ANKRD28: variants seen among roughly 807,000 people sequenced by gnomAD.
ANKRD28 encodes the protein ankyrin repeat domain 28, also known as serine/threonine-protein phosphatase 6 regulatory ankyrin repeat subunit A.
In ANKRD28, 44 loss-of-function variants were observed where a neutral mutation model predicts 126.5. That is an observed-to-expected ratio of 0.35 (90% CI 0.27 to 0.45). The LOEUF (loss-of-function observed/expected upper bound fraction) is 0.45. ANKRD28 is among the 20% of genes least tolerant of loss of function. The pLI, the probability that ANKRD28 is intolerant of heterozygous loss-of-function variation, is 1.00. For missense variants in ANKRD28, 1,110 were observed against 1,316.6 expected (o/e 0.84, Z 2.43); for synonymous variants, 442 against 468.5 (o/e 0.94, Z 0.73).
In ANKRD28 at chr3:15,668,621, T is replaced by G. The variant is rs2066102684; in HGVS notation, c.*1649A>C. ...TTATTCATTAAATACAACTCACATC[T>G]GTGTTTTATTATACTCTAAAATATA... On this transcript the variant is annotated 3_prime_UTR_variant, in exon 28 of 28. Coordinates refer to ENST00000683139, the MANE Select transcript of ANKRD28 (RefSeq NM_001349278.2). 1 of 152,588 alleles carries G rather than the reference T, an allele frequency of 6.6e-6. No individual in the cohort carries two copies. Among genetic ancestry groups the G allele is most frequent in the African/African-American group, 2.4e-5 (1 of 41,452 alleles). The allele number at this position is 152,588 out of a possible 1,614,324, so 9.5% of individuals were successfully genotyped here.
chr3:15,802,282 G>A (rs751234245), upstream of ANKRD28, among the ~76,000 whole-genome samples: 7 of 152,172 alleles, frequency 4.6e-5, no homozygotes, highest in Non-Finnish European at 7.4e-5. Context: ...CCATAGTCTA[G>A]GGTAGTGAAA....
chr3:15,814,217 G>C lies in ANKRD28; in HGVS notation c.28-18911C>G. 1 of 1,198,668 alleles carries C rather than the reference G, an allele frequency of 8.3e-7. No homozygotes were observed. The highest frequency in any genetic ancestry group is 1.1e-6 in the Non-Finnish European group (1 of 944,092). 74.3% of individuals were successfully genotyped at this position (1,198,668 alleles called of 1,614,324 possible). ...ACAAGAGCTGCCTATATTACTGCAA[G>C]AGACTACTAGAAAATAACCTACCAT... On this transcript the variant is annotated intron_variant, in intron 1 of 27. Coordinates refer to the ANKRD28 transcript ENST00000399451. The surrounding 1 kb of genome is among the most constrained non-coding windows in gnomAD (Gnocchi z 4.7).
Position 15,670,340 on chromosome 3 carries a change from A to G in ANKRD28, c.3182T>C (p.Ile1061Thr). 2 of 1,613,972 alleles carry G rather than the reference A, an allele frequency of 1.2e-6. No homozygotes were observed. Among genetic ancestry groups the G allele is most frequent in the Non-Finnish European group, 1.7e-6 (2 of 1,179,850 alleles). Residue 1061 changes from isoleucine (I) to threonine (T), a missense_variant, in exon 28 of 28, where the codon ATT (isoleucine) becomes ACT (threonine). Ile to Thr is a moderately conservative substitution (Grantham distance 89). Coordinates refer to ENST00000683139, the MANE Select transcript of ANKRD28 (RefSeq NM_001349278.2). ...GTATAAGTACTCCTGTTCCCCTCCA[A>G]TGTTATTGAAACTGCAATAGGAGCT... ...EPSSYCSFNN[I>T]GGEQEYLYTD... is the part of the protein sequence containing the mutation.
chr3:15,683,815 CTT>C (rs1020637151), intron 21 of ANKRD28: 4 of 152,150 alleles, frequency 2.6e-5, no homozygotes, highest in African/African-American at 9.7e-5. Context: ...AACTTGATAA[CTT>C]TGTCAGAACA....
At chr3:15,724,582 T>C in intron 6 of ANKRD28, 58 bp from the exon 7 acceptor site, 1 of 1,444,946 alleles carries the variant, frequency 6.9e-7, no homozygotes, top group South Asian at 1.3e-5. Flanking sequence ...CTATTAAATA[T>C]AATCCCAAAT....
chr3:15,711,650 G>T (rs1373321786), intron 11 of ANKRD28, among the ~76,000 whole-genome samples: 1 of 151,942 alleles, frequency 6.6e-6, no homozygotes. Flanking sequence ...GAGATTAACT[G>T]CTAATGGTCT....
At chr3:15,711,403 AG>A (rs1428239455) in intron 11 of ANKRD28, 129 bp from the exon 12 acceptor site, 1 of 684,496 alleles carries the variant, frequency 1.5e-6, no homozygotes, top group Non-Finnish European at 2.5e-6. Flanking sequence ...TAAGTGCTAG[AG>A]TGCCTGTTTA....
intron 8 of ANKRD28, among the ~76,000 whole-genome samples, chr3:15,717,632 A>G (rs1050794844): frequency 6.6e-5 from 10 of 152,196 alleles, no homozygotes; most frequent in African/African-American, 2.4e-4. Flanking sequence ...AACACTTCAC[A>G]GTATTTTTTT....
intron 1 of ANKRD28, among the ~76,000 whole-genome samples, chr3:15,809,978 CA>C (rs2060676570): frequency 1.3e-5 from 2 of 152,256 alleles, no homozygotes; most frequent in South Asian, 4.1e-4. Flanking sequence ...CCCACCTCCT[CA>C]TCCACAAAAT....
At chr3:15,678,852 T>C (rs563521828) in intron 23 of ANKRD28, among the ~76,000 whole-genome samples, 1 of 152,228 alleles carries the variant, frequency 6.6e-6, no homozygotes, top group Non-Finnish European at 1.5e-5. Flanking sequence ...AATGTAAAAA[T>C]AATTGAGATC....
rs569761948 is a variant in ANKRD28, at chr3:15,777,849, T to TACACACACACACACACAC, written c.202-11555_202-11538dup. On this transcript the variant is annotated intron_variant, in intron 2 of 27. Transcript: ENST00000683139. ...ACTGCTCCCATCACCAAAACCAAAC[T>TACACACACACACACACAC]ACACACACACACACACACACACACA... Among the ~76,000 whole-genome samples, 97 of 106,194 alleles carry TACACACACACACACACAC rather than the reference T, an allele frequency of 9.1e-4. 3 individuals are homozygous for TACACACACACACACACAC. The highest frequency in any genetic ancestry group is 1.7e-3 in the Admixed American group (17 of 9,940). 69.7% of individuals were successfully genotyped at this position (106,194 alleles called of 152,430 possible).
intron 1 of ANKRD28, among the ~76,000 whole-genome samples, chr3:15,831,020 A>G (rs1372158975): frequency 6.6e-6 from 1 of 152,184 alleles, no homozygotes; most frequent in Non-Finnish European, 1.5e-5. Flanking sequence ...GCACAACCCC[A>G]TTAGGAGAGG....
In ANKRD28 at chr3:15,822,650, T is replaced by A. The variant is rs541351233; in HGVS notation, c.28-27344A>T. On this transcript the variant is annotated intron_variant, in intron 1 of 27. Transcript: ENST00000399451. Reference sequence around the variant, plus strand: ...CACTGAATTTACTAGACAAAGACTTTAAATCAACTGCCTTAAATATGCTCA... The same window carrying A: ...CACTGAATTTACTAGACAAAGACTTAAAATCAACTGCCTTAAATATGCTCA... Among the ~76,000 whole-genome samples, 7 of 152,062 alleles carry A rather than the reference T, an allele frequency of 4.6e-5. No homozygotes were observed. The East Asian group carries it at 1.4e-3, about 29-fold the overall frequency.
rs1167390628 is a variant in ANKRD28, at chr3:15,846,664, T to C, written c.27+12713A>G. On this transcript the variant is annotated intron_variant, in intron 1 of 27. Transcript: ENST00000399451. This position sits in a 1 kb window ranked among gnomAD's most constrained non-coding sequence, Gnocchi z 5.4. The stretch of plus-strand genomic sequence containing the variant: ...AATGGATAAATCCCAAATTATCACA[T>C]AACAGAATAGGTTATTTTTATTTCA... Among the ~76,000 whole-genome samples, 1 of 152,244 alleles carries C rather than the reference T, an allele frequency of 6.6e-6. No homozygotes were observed. The highest frequency in any genetic ancestry group is 2.4e-5 in the African/African-American group (1 of 41,464).
intron 2 of ANKRD28, among the ~76,000 whole-genome samples, chr3:15,775,884 C>T (rs1405176962): frequency 2.0e-5 from 3 of 152,076 alleles, no homozygotes; most frequent in Non-Finnish European, 4.4e-5. Flanking sequence ...TACTGGTGAC[C>T]AACTCAACAT....
intron 2 of ANKRD28, among the ~76,000 whole-genome samples, chr3:15,767,359 T>C (rs1344348622): frequency 6.6e-6 from 1 of 152,216 alleles, no homozygotes; most frequent in Non-Finnish European, 1.5e-5. Flanking sequence ...TCCCTCATTT[T>C]TGATAAAGGC....
upstream of ANKRD28, among the ~76,000 whole-genome samples, chr3:15,802,853 G>T (rs2060491694): frequency 6.6e-6 from 1 of 152,124 alleles, no homozygotes; most frequent in South Asian, 2.1e-4. Flanking sequence ...CATCTACTAT[G>T]TGCCAGTCTT....
chr3:15,700,363 G>C (rs1394834558), intron 14 of ANKRD28, among the ~76,000 whole-genome samples: 1 of 151,828 alleles, frequency 6.6e-6, no homozygotes, highest in Non-Finnish European at 1.5e-5. Context: ...TAAATGATGA[G>C]TTGATGGGTG....
At position 15,750,117 on chromosome 3, in the gene ANKRD28, T is replaced by C. The variant is rs185587228; in HGVS notation, c.351+1633A>G. Among the ~76,000 whole-genome samples, 153 of 152,386 alleles carry C rather than the reference T, an allele frequency of 1.0e-3. 2 individuals carry two copies. The East Asian group carries it at 0.026, about 25-fold the overall frequency. Reference sequence around the variant, plus strand: ...TGCTGTCTTCCTTTAATGTTAATTTTTCTTTAGTAATTTTTGGTCTGTTTT... The same window carrying C: ...TGCTGTCTTCCTTTAATGTTAATTTCTCTTTAGTAATTTTTGGTCTGTTTT... On this transcript the variant is annotated intron_variant, in intron 4 of 27. Coordinates refer to ENST00000683139, the MANE Select transcript of ANKRD28 (RefSeq NM_001349278.2).
Sources: allele counts gnomAD v4.1 joint callset (sites outside exome capture counted in the v4.1 genomes callset), GRCh38; gene constraint gnomAD v4.1.1; non-coding constraint Gnocchi (gnomAD v3.1); transcripts MANE v1.5; gene names NCBI Gene and HGNC (gene_info 2026-07-23, HGNC 2026-07-21).